The following OSBPL1A variants were observed in gnomAD, a reference collection of about 807,000 sequenced individuals.
OSBPL1A encodes oxysterol binding protein like 1A.
A neutral mutation model predicts 137.1 loss-of-function variants in OSBPL1A; 80 were observed. That is an observed-to-expected ratio of 0.58 (90% confidence interval 0.49 to 0.70). The LOEUF (loss-of-function observed/expected upper bound fraction) is 0.70, where lower values mean the gene tolerates loss of function less well. Ranked by LOEUF, OSBPL1A falls within the 30% of genes least tolerant of loss-of-function variation. The pLI, the probability that OSBPL1A is intolerant of heterozygous loss-of-function variation, is 0.00. For missense variants in OSBPL1A, 970 were observed against 1,129.4 expected (o/e 0.86, Z 2.02); for synonymous variants, 365 against 389.7 (o/e 0.94, Z 0.75).
intron 27 of OSBPL1A, 83 bp from the exon 28 acceptor site, chr18:24,163,364 C>A: frequency 2.1e-6 from 2 of 966,890 alleles, no homozygotes; most frequent in African/African-American, 1.7e-5. Flanking sequence ...CAGTATTATT[C>A]TATTGCAGCA....
intron 4 of OSBPL1A, 50 bp from the exon 5 acceptor site, chr18:24,341,708 A>C (rs777089133): frequency 7.8e-7 from 1 of 1,287,996 alleles, no homozygotes; most frequent in Non-Finnish European, 1.1e-6. Context: ...ATTTTATTGC[A>C]TTACCACCCT....
intron 15 of OSBPL1A, 82 bp from the exon 16 acceptor site, chr18:24,239,464 T>A: frequency 7.7e-7 from 1 of 1,303,596 alleles, no homozygotes; most frequent in Non-Finnish European, 1.1e-6. Flanking sequence ...AATTAATTGC[T>A]TTTGATCCAG....
chr18:24,371,697 G>A (rs1314171583), intron 2 of OSBPL1A, among the ~76,000 whole-genome samples: 1 of 152,060 alleles, frequency 6.6e-6, no homozygotes, highest in Non-Finnish European at 1.5e-5. Flanking sequence ...ACTCTTCACT[G>A]GCTCTTTCTA....
At chr18:24,189,057 A>G (rs551811817) in intron 18 of OSBPL1A, among the ~76,000 whole-genome samples, 2 of 152,374 alleles carry the variant, frequency 1.3e-5, no homozygotes, top group South Asian at 4.1e-4. Context: ...AAAGTTAAAC[A>G]TTTATGCCAA....
chr18:24,296,795 A>G (rs927277363), intron 14 of OSBPL1A, among the ~76,000 whole-genome samples: 1 of 152,164 alleles, frequency 6.6e-6, no homozygotes, highest in Admixed American at 6.5e-5. Context: ...TTTGTGATAT[A>G]TCATATTTAT....
At chr18:24,264,096 A>T (rs1458027471) in intron 15 of OSBPL1A, among the ~76,000 whole-genome samples, 15 of 152,236 alleles carry the variant, frequency 9.9e-5, no homozygotes, top group Non-Finnish European at 1.5e-5. Flanking sequence ...AAGACTATGA[A>T]ATTACAATAC....
intron 15 of OSBPL1A, among the ~76,000 whole-genome samples, chr18:24,279,333 G>A (rs990170182): frequency 6.6e-6 from 1 of 151,772 alleles, no homozygotes; most frequent in African/African-American, 2.4e-5. Flanking sequence ...TGAGGCTGAG[G>A]TGGGAGGATC....
intron 1 of OSBPL1A, among the ~76,000 whole-genome samples, chr18:24,395,089 G>A (rs572478848): frequency 4.6e-5 from 7 of 152,290 alleles, no homozygotes; most frequent in Non-Finnish European, 1.0e-4. Flanking sequence ...TTACCTGACA[G>A]TGTCTTTTCT....
intron 16 of OSBPL1A, among the ~76,000 whole-genome samples, chr18:24,238,233 T>G (rs909980586): frequency 6.6e-6 from 1 of 152,224 alleles, no homozygotes; most frequent in African/African-American, 2.4e-5. Flanking sequence ...CACCAAGATT[T>G]CTTGCATCTG....
In OSBPL1A at chr18:24,390,694, C is replaced by CAA. The variant is rs751432894; in HGVS notation, c.-3+6959_-3+6960dup. ...TGGGCAACAGAGTGCGACTCCGTCTCAAAAAAAAAAAAAAAAAAAAAAAAA... is the reference window on the plus strand; with the variant it reads ...TGGGCAACAGAGTGCGACTCCGTCTCAAAAAAAAAAAAAAAAAAAAAAAAAAA... On this transcript the variant is annotated intron_variant, in intron 1 of 27. Coordinates refer to ENST00000319481, the MANE Select transcript of OSBPL1A (RefSeq NM_080597.4). Among the ~76,000 whole-genome samples, 499 of 56,184 alleles carry CAA rather than the reference C, an allele frequency of 8.9e-3. 50 individuals are homozygous for CAA. Among genetic ancestry groups the CAA allele is most frequent in the African/African-American group, 0.031 (433 of 14,062 alleles). The allele number at this position is 56,184 out of a possible 152,430, so 36.9% of individuals were successfully genotyped here.
chr18:24,266,609 G>C (rs1457863459), intron 15 of OSBPL1A, among the ~76,000 whole-genome samples: 4 of 152,138 alleles, frequency 2.6e-5, no homozygotes, highest in South Asian at 2.1e-4. Flanking sequence ...GAAACAGGAC[G>C]AGGTGGCTCA....
At chr18:24,305,023 C>A (rs2090474306) in intron 13 of OSBPL1A, among the ~76,000 whole-genome samples, 1 of 152,116 alleles carries the variant, frequency 6.6e-6, no homozygotes, top group Non-Finnish European at 1.5e-5. Flanking sequence ...CTAGAGGCAC[C>A]AAAACATGCA....
At chr18:24,219,035 G>A (rs1048033012) in intron 17 of OSBPL1A, among the ~76,000 whole-genome samples, 3 of 151,954 alleles carry the variant, frequency 2.0e-5, no homozygotes, top group Non-Finnish European at 4.4e-5. Flanking sequence ...GCTCATGCCT[G>A]TAATCCCAGC....
intron 26 of OSBPL1A, among the ~76,000 whole-genome samples, chr18:24,166,016 G>A (rs762079217): frequency 1.6e-4 from 24 of 152,124 alleles, no homozygotes; most frequent in South Asian, 4.1e-4. Flanking sequence ...AGAATAGCTC[G>A]AACCCAGGAG....
Position 24,322,940 on chromosome 18 carries a change from T to G in OSBPL1A, c.626-4131A>C, listed in dbSNP as rs574117502. Among the ~76,000 whole-genome samples, 29 of 152,350 alleles carry G rather than the reference T, an allele frequency of 1.9e-4. No homozygotes were observed. The South Asian group carries it at 6.0e-3, about 32-fold the overall frequency. On this transcript the variant is annotated intron_variant, in intron 7 of 27. Transcript: ENST00000319481. Reference sequence around the variant, plus strand: ...AAAATAAAGTGAAAAACAGGAATGATGTAATATTTAAAAGTTTGCATGACA... The same window carrying G: ...AAAATAAAGTGAAAAACAGGAATGAGGTAATATTTAAAAGTTTGCATGACA...
rs1421582417 is a variant in OSBPL1A at position 24,162,447 on chromosome 18, G to A, written c.*732C>T. 6.6e-6 allele frequency: 1 copy of A among 152,184 alleles called. No homozygotes were observed. The highest frequency in any genetic ancestry group is 2.4e-5 in the African/African-American group (1 of 41,450). 9.4% of individuals were successfully genotyped at this position (152,184 alleles called of 1,614,324 possible). A position where few individuals can be genotyped will look rare whatever the true frequency, so the allele number is the denominator to read the frequency against. ...AAATCTATATTTCTAGGGCATTTTT[G>A]TGAATTGCTAGATTTTATACATATT... On this transcript the variant is annotated 3_prime_UTR_variant, in exon 28 of 28. Transcript: ENST00000319481.
Position 24,168,785 on chromosome 18 carries a change from G to C in OSBPL1A, c.2419-1340C>G, listed in dbSNP as rs1282837716. Among the ~76,000 whole-genome samples, 3 of 152,210 alleles carry C rather than the reference G, an allele frequency of 2.0e-5. 1 individual carries two copies. The South Asian group carries it at 6.2e-4, about 32-fold the overall frequency. On this transcript the variant is annotated intron_variant, in intron 24 of 27. Coordinates refer to ENST00000319481, the MANE Select transcript of OSBPL1A (RefSeq NM_080597.4). The stretch of plus-strand genomic sequence containing the variant: ...AGATGACAGGAACACAGGAATGAGA[G>C]AGACCAGAAAAGCAGTGGATGTGTG...
intron 4 of OSBPL1A, among the ~76,000 whole-genome samples, chr18:24,353,025 A>C (rs2091469887): frequency 6.6e-6 from 1 of 152,190 alleles, no homozygotes; most frequent in African/African-American, 2.4e-5. Context: ...TTCATGTCTA[A>C]AACACCAAAA....
intron 5 of OSBPL1A, among the ~76,000 whole-genome samples, chr18:24,335,761 C>T (rs1319711856): frequency 6.6e-6 from 1 of 152,204 alleles, no homozygotes; most frequent in Non-Finnish European, 1.5e-5. Flanking sequence ...TCACTATGTG[C>T]TAAATGCTGT....
Sources: allele counts gnomAD v4.1 joint callset (sites outside exome capture counted in the v4.1 genomes callset), GRCh38; gene constraint gnomAD v4.1.1; transcripts MANE v1.5; gene names NCBI Gene and HGNC (gene_info 2026-07-23, HGNC 2026-07-21).